CMTR1: variants seen among roughly 807,000 people sequenced by gnomAD.
CMTR1 encodes the protein cap methyltransferase 1, also known as cap-specific mRNA (nucleoside-2'-O-)-methyltransferase 1.
In CMTR1, 39 loss-of-function variants were observed where a neutral mutation model predicts 107.0. The observed-to-expected ratio is 0.36, with a 90% CI of 0.28 to 0.48. The LOEUF is 0.48. CMTR1 is among the 20% of genes least tolerant of loss of function. CMTR1 has a pLI of 0.99. For synonymous variants in CMTR1, 366 were observed against 379.5 expected (o/e 0.96, Z 0.41); for missense variants, 672 against 1,064.9 (o/e 0.63, Z 5.14).
At chr6:37,471,762 C>T (rs1451420658) in intron 14 of CMTR1, 85 bp from the exon 15 acceptor site, 1 of 1,233,730 alleles carries the variant, frequency 8.1e-7, no homozygotes, top group Non-Finnish European at 1.2e-6. Flanking sequence ...ATTCAGGCCT[C>T]CTCTCTATGG....
At chr6:37,432,109 C>A, upstream of CMTR1, among the ~76,000 whole-genome samples, 1 of 152,132 alleles carries the variant, frequency 6.6e-6, no homozygotes, top group East Asian at 1.9e-4. Flanking sequence ...TGAGCCACCG[C>A]GCCCGGCGGA....
intron 16 of CMTR1, 129 bp from the exon 17 acceptor site, chr6:37,473,341 A>C: frequency 1.1e-6 from 1 of 939,654 alleles, no homozygotes; most frequent in East Asian, 2.5e-5. Context: ...AAGGGGGTGC[A>C]GGGGAGCATA....
In CMTR1 at chr6:37,479,254, C is replaced by T. The variant is rs1484888185; in HGVS notation, c.2374C>T (p.His792Tyr). 6.3e-7 allele frequency: 1 copy of T among 1,594,922 alleles called. No individual in the cohort carries two copies. The highest frequency in any genetic ancestry group is 8.6e-7 in the Non-Finnish European group (1 of 1,162,686). Residue 792 changes from histidine to tyrosine, a missense_variant and splice_region_variant, in exon 23 of 24, where the codon CAC (histidine) becomes TAC (tyrosine). This residue lies in a region of CMTR1 where 583 missense variants were observed against 968.4 expected (regional missense o/e 0.60). Transcript: ENST00000373451. ...CCCTGCAGACTCCATTGCCCCATTTCAGTAAGTAGCTCTCCTCCAAGCCTG... is the reference window on the plus strand; with the variant it reads ...CCCTGCAGACTCCATTGCCCCATTTTAGTAAGTAGCTCTCCTCCAAGCCTG... ...DLPADSIAPFHICYYGRLFWE... is the reference protein window; with the variant it reads ...DLPADSIAPFYICYYGRLFWE...
At chr6:37,427,693 A>G in the CMTR1 span, among the ~76,000 whole-genome samples, 1 of 152,150 alleles carries the variant, frequency 6.6e-6, no homozygotes. This position sits in a 1 kb window ranked among gnomAD's most constrained non-coding sequence, Gnocchi z 4.4. Flanking sequence ...CATTCCTGAC[A>G]TTTCCAGTTT....
chr6:37,467,052 A>G (rs1761525830), intron 13 of CMTR1, among the ~76,000 whole-genome samples: 1 of 152,076 alleles, frequency 6.6e-6, no homozygotes, highest in African/African-American at 2.4e-5. Context: ...CACCTGTGGT[A>G]GCTACTCAGG....
At chr6:37,431,938 A>C (rs1338813850), upstream of CMTR1, among the ~76,000 whole-genome samples, 1 of 152,086 alleles carries the variant, frequency 6.6e-6, no homozygotes, top group African/African-American at 2.4e-5. Context: ...GACTTACCCT[A>C]CTGAGTAGCT....
intron 4 of CMTR1, among the ~76,000 whole-genome samples, chr6:37,449,271 TTGTTATGTTA>T (rs71542111): frequency 1.7e-4 from 25 of 145,246 alleles, no homozygotes; most frequent in South Asian, 4.5e-4. Context: ...ATTTTATGTT[TTGTTATGTTA>T]TGTTATGTTA....
chr6:37,449,057 C>G (rs1771873264), intron 4 of CMTR1, among the ~76,000 whole-genome samples: 1 of 152,194 alleles, frequency 6.6e-6, no homozygotes, highest in African/African-American at 2.4e-5. Context: ...CCTCTCACCT[C>G]AGCCTTCTGA....
In CMTR1 at chr6:37,435,511, A is replaced by T. The variant is rs74583777; in HGVS notation, c.-6-113A>T. ...GCTATTCAAGTGCTGGCACTGGAAG[A>T]TGTGTAGAATTGCCAAATCTCATCC... On this transcript the variant is annotated intron_variant, in intron 1 of 23. Coordinates refer to ENST00000373451, the MANE Select transcript of CMTR1 (RefSeq NM_015050.3). 7.2e-6 allele frequency: 8 copies of T among 1,114,452 alleles called. 1 individual carries two copies. In the East Asian group the frequency reaches 2.2e-4, roughly 31 times the overall value. 69.0% of individuals were successfully genotyped at this position (1,114,452 alleles called of 1,614,324 possible).
At chr6:37,460,763 T>G (rs1463363087) in intron 10 of CMTR1, among the ~76,000 whole-genome samples, 1 of 152,224 alleles carries the variant, frequency 6.6e-6, no homozygotes, top group Non-Finnish European at 1.5e-5. Context: ...TTAACAGTAG[T>G]GTTAAGTCTA....
chr6:37,453,671 TGTGGGCATTTCA>T (rs1166058720), intron 8 of CMTR1, among the ~76,000 whole-genome samples: 1 of 152,206 alleles, frequency 6.6e-6, no homozygotes, highest in Non-Finnish European at 1.5e-5. Flanking sequence ...TTGGATGAAA[TGTGGGCATTTCA>T]GTGGGCATTT....
chr6:37,478,536 A>C lies in CMTR1; in HGVS notation c.2266+15A>C, dbSNP rs769265635. ...GACAGTGAATGGTGGGTGAGGAGGG[A>C]CTGTTCCCGCCATCCCCTCCCCTCT... On this transcript the variant is annotated intron_variant, in intron 22 of 23. Transcript: ENST00000373451. 6.3e-7 allele frequency: 1 copy of C among 1,594,720 alleles called. No homozygotes were observed. Among genetic ancestry groups the C allele is most frequent in the East Asian group, 2.2e-5 (1 of 44,750 alleles).
In CMTR1 at chr6:37,480,879, C is replaced by G. The variant is rs1185334355; in HGVS notation, c.*734C>G. On this transcript the variant is annotated 3_prime_UTR_variant, in exon 24 of 24. Transcript: ENST00000373451. ...TTGTAGAGCCATCCTAGGTGCCATC[C>G]CCTTTTGGTCCAAACATTGGGCAGC... is the stretch of plus-strand genomic sequence containing the variant. The G allele has an allele frequency of 8.4e-7, 1 of 1,194,210 alleles. No homozygotes were observed. The highest frequency in any genetic ancestry group is 1.6e-5 in the African/African-American group (1 of 62,474). 74.0% of individuals were successfully genotyped at this position (1,194,210 alleles called of 1,614,324 possible).
At chr6:37,466,082 C>A (rs1278127225) in intron 13 of CMTR1, among the ~76,000 whole-genome samples, 1 of 148,480 alleles carries the variant, frequency 6.7e-6, no homozygotes, top group Non-Finnish European at 1.5e-5. Flanking sequence ...ATTAATCTTT[C>A]CTCTATGTTT....
intron 8 of CMTR1, among the ~76,000 whole-genome samples, chr6:37,457,367 A>T (rs1392465379): frequency 6.6e-6 from 1 of 152,142 alleles, no homozygotes; most frequent in Non-Finnish European, 1.5e-5. Flanking sequence ...CTGTTGCTGC[A>T]CAACAGTATT....
intron 4 of CMTR1, 30 bp downstream of exon 4, chr6:37,446,479 A>G: frequency 6.3e-7 from 1 of 1,592,080 alleles, no homozygotes; most frequent in Non-Finnish European, 8.5e-7. Context: ...GGAGATGGAA[A>G]AGCCACTTGT....
At chr6:37,439,049 A>G (rs1443006809) in intron 2 of CMTR1, among the ~76,000 whole-genome samples, 2 of 152,218 alleles carry the variant, frequency 1.3e-5, no homozygotes, top group Admixed American at 6.5e-5. Flanking sequence ...CTCCTCTGCT[A>G]AATCAATGTA....
chr6:37,478,648 C>G, intron 22 of CMTR1, 127 bp downstream of exon 22: 1 of 722,168 alleles, frequency 1.4e-6, no homozygotes, highest in South Asian at 1.6e-5. Flanking sequence ...GCCAGGCTGG[C>G]ATTTCTCTGA....
intron 17 of CMTR1, 105 bp downstream of exon 17, chr6:37,473,706 A>G: frequency 1.5e-6 from 2 of 1,364,102 alleles, no homozygotes; most frequent in South Asian, 1.4e-5. Context: ...CTTGGCATTA[A>G]GTAGCTGTTG....
Sources: allele counts gnomAD v4.1 joint callset (sites outside exome capture counted in the v4.1 genomes callset), GRCh38; gene constraint gnomAD v4.1.1; regional missense constraint gnomAD v4.1.1; non-coding constraint Gnocchi (gnomAD v3.1); transcripts MANE v1.5; gene names NCBI Gene and HGNC (gene_info 2026-07-23, HGNC 2026-07-21).